Variants in APBA1 observed in about 807,000 individuals in gnomAD.
APBA1 encodes the protein amyloid beta precursor protein binding family A member 1.
APBA1 carries 55 observed loss-of-function variants against 86.6 expected under a neutral mutation model. The observed-to-expected ratio is 0.64, with a 90% confidence interval of 0.51 to 0.80. The LOEUF (loss-of-function observed/expected upper bound fraction) is 0.80. APBA1 is among the 30% of genes least tolerant of loss of function. APBA1 has a pLI of 0.00. For synonymous variants in APBA1, 511 were observed against 493.9 expected, an observed-to-expected ratio of 1.03 and a Z score of -0.46; for missense variants, 1,090 against 1,183.0, an observed-to-expected ratio of 0.92 and a Z score of 1.15.
intron 1 of APBA1, among the ~76,000 whole-genome samples, chr9:69,613,506 T>C (rs745726627): frequency 4.6e-5 from 7 of 152,214 alleles, no homozygotes; most frequent in Non-Finnish European, 1.0e-4. Flanking sequence ...ACGAGATTTA[T>C]AGGTTATACA....
At chr9:69,483,376 C>T (rs375792160) in intron 2 of APBA1, among the ~76,000 whole-genome samples, 3 of 151,882 alleles carry the variant, frequency 2.0e-5, no homozygotes, top group East Asian at 1.9e-4. Context: ...TCTGATCTCT[C>T]GGGACCAGCC....
rs1484448643 is a variant in APBA1 at position 69,583,131 on chromosome 9, T to C, written c.-69-65852A>G. Among the ~76,000 whole-genome samples the C allele has an allele frequency of 5.9e-5, 9 of 152,274 alleles. No individual in the cohort carries two copies. In the South Asian group the frequency reaches 6.2e-4, roughly 11 times the overall value. On this transcript the variant is annotated intron_variant, in intron 1 of 12. Coordinates refer to ENST00000265381, the MANE Select transcript of APBA1 (RefSeq NM_001163.4). ...AGGCGCAGTACAGGCGATTGACCCC[T>C]GTGATTTGGATTAAATGAATTGCCA... is the stretch of plus-strand genomic sequence containing the variant.
chr9:69,499,407 G>C (rs998302609), intron 2 of APBA1, among the ~76,000 whole-genome samples: 2 of 152,018 alleles, frequency 1.3e-5, no homozygotes, highest in East Asian at 1.9e-4. Flanking sequence ...TTCATCCCTT[G>C]CTAACCGGAT....
At chr9:69,487,124 T>C (rs1835624380) in intron 2 of APBA1, among the ~76,000 whole-genome samples, 1 of 152,012 alleles carries the variant, frequency 6.6e-6, no homozygotes, top group Admixed American at 6.5e-5. Flanking sequence ...ATGAACAACA[T>C]TCTATTCTAG....
At chr9:69,578,942 C>T (rs1276146782) in intron 1 of APBA1, among the ~76,000 whole-genome samples, 1 of 152,164 alleles carries the variant, frequency 6.6e-6, no homozygotes, top group Non-Finnish European at 1.5e-5. Context: ...GATAAGAAAC[C>T]TTGGGTTGTC....
At chr9:69,558,545 TAC>T (rs1327511661) in intron 1 of APBA1, among the ~76,000 whole-genome samples, 7 of 88,774 alleles carry the variant, frequency 7.9e-5, no homozygotes, top group Non-Finnish European at 1.1e-4. Context: ...CACACACACA[TAC>T]ACACACACAC....
At chr9:69,461,927 A>T (rs1835197955) in intron 5 of APBA1, 1 of 152,246 alleles carries the variant, frequency 6.6e-6, no homozygotes, top group Non-Finnish European at 1.5e-5. Flanking sequence ...TCTTCAACTA[A>T]GCTGGGAAAT....
At chr9:69,595,444 C>T (rs112246479) in intron 1 of APBA1, among the ~76,000 whole-genome samples, 14 of 152,226 alleles carry the variant, frequency 9.2e-5, no homozygotes, top group Admixed American at 2.6e-4. Flanking sequence ...TCTGGTGCCC[C>T]CTGCTCTCCA....
At chr9:69,625,950 G>C (rs1288756576) in intron 1 of APBA1, among the ~76,000 whole-genome samples, 1 of 152,092 alleles carries the variant, frequency 6.6e-6, no homozygotes, top group African/African-American at 2.4e-5. Flanking sequence ...GTCCAAAAAG[G>C]CTTTATCTGA....
intron 9 of APBA1, among the ~76,000 whole-genome samples, chr9:69,451,368 T>C (rs1038734411): frequency 2.0e-5 from 3 of 152,218 alleles, no homozygotes; most frequent in Admixed American, 6.5e-5. Flanking sequence ...CAGACCCCAG[T>C]GGATCAAATG....
intron 11 of APBA1, among the ~76,000 whole-genome samples, chr9:69,439,346 T>G (rs1307502164): frequency 6.6e-6 from 1 of 150,456 alleles, no homozygotes; most frequent in Non-Finnish European, 1.5e-5. Flanking sequence ...TTGGGGAAAT[T>G]CTCCTGGATA....
chr9:69,658,901 G>C (rs1823697264), intron 1 of APBA1, among the ~76,000 whole-genome samples: 1 of 152,096 alleles, frequency 6.6e-6, no homozygotes, highest in African/African-American at 2.4e-5. Context: ...CATAGATTCA[G>C]GCAGGGACAA....
Position 69,670,051 on chromosome 9 carries a change from G to A in APBA1, c.-70+2102C>T, listed in dbSNP as rs192593001. On this transcript the variant is annotated intron_variant, in intron 1 of 12. Transcript: ENST00000265381. ...AAGACATTTGGCATAACAAATAAGA[G>A]AGTAAAGAACTAAGATTCAAAATTC... Among the ~76,000 whole-genome samples, 806 of 152,178 alleles carry A rather than the reference G, an allele frequency of 5.3e-3. 6 individuals are homozygous for A. Among genetic ancestry groups the A allele is most frequent in the Non-Finnish European group, 7.7e-3 (522 of 68,008 alleles).
chr9:69,524,788 A>C (rs1303307629), intron 1 of APBA1, among the ~76,000 whole-genome samples: 1 of 152,140 alleles, frequency 6.6e-6, no homozygotes, highest in East Asian at 1.9e-4. Flanking sequence ...TGGAAAAAGA[A>C]AACTAGAGAC....
At chr9:69,563,485 T>C (rs1257562823) in intron 1 of APBA1, among the ~76,000 whole-genome samples, 1 of 152,162 alleles carries the variant, frequency 6.6e-6, no homozygotes, top group African/African-American at 2.4e-5. Context: ...TTCCTTTGAA[T>C]TCAAAAGCAT....
intron 2 of APBA1, among the ~76,000 whole-genome samples, chr9:69,497,100 GC>G (rs1835811139): frequency 6.6e-6 from 1 of 151,972 alleles, no homozygotes; most frequent in Non-Finnish European, 1.5e-5. Flanking sequence ...TCTTTCTCTG[GC>G]TCTTCTGTTT....
chr9:69,640,196 T>A (rs1023554976), intron 1 of APBA1, among the ~76,000 whole-genome samples: 2 of 152,078 alleles, frequency 1.3e-5, no homozygotes, highest in Non-Finnish European at 2.9e-5. Context: ...ACACACACAC[T>A]CACACATTAT....
intron 1 of APBA1, among the ~76,000 whole-genome samples, chr9:69,664,674 CTT>C (rs1255398510): frequency 2.6e-5 from 4 of 152,228 alleles, no homozygotes; most frequent in Non-Finnish European, 5.9e-5. Flanking sequence ...ATACTTCACT[CTT>C]TGCCTATATT....
chr9:69,658,228 CTT>C (rs1564104709), intron 1 of APBA1, among the ~76,000 whole-genome samples: 630 of 15,114 alleles, frequency 0.042, 9 homozygotes, highest in African/African-American at 0.056. Flanking sequence ...TTCTCTCTTT[CTT>C]TCTTTCTTTC....
Sources: allele counts gnomAD v4.1 joint callset (sites outside exome capture counted in the v4.1 genomes callset), GRCh38; gene constraint gnomAD v4.1.1; transcripts MANE v1.5; gene names NCBI Gene and HGNC (gene_info 2026-07-23, HGNC 2026-07-21).